UACA: variants seen among roughly 807,000 people sequenced by gnomAD.
UACA encodes the protein nuclear membrane binding protein.
In UACA, 112 loss-of-function variants were observed where a neutral mutation model predicts 160.5. The ratio of observed to expected loss-of-function variants is 0.70; its 90% CI spans 0.60 to 0.82. The LOEUF (loss-of-function observed/expected upper bound fraction) is 0.82. Among genes scored for constraint, UACA ranks in the 40% least tolerant of loss-of-function variants. The pLI, the probability that UACA is intolerant of heterozygous loss-of-function variation, is 0.00. For synonymous variants in UACA, 557 were observed against 568.4 expected, an observed-to-expected ratio of 0.98 and a Z score of 0.29; for missense variants, 1,574 against 1,614.6, an observed-to-expected ratio of 0.97 and a Z score of 0.43.
chr15:70,668,326 T>C lies in UACA; in HGVS notation c.2358A>G (p.Leu786=), dbSNP rs774340474. 22 of 1,611,154 alleles carry C rather than the reference T, an allele frequency of 1.4e-5. No homozygotes were observed. The Middle Eastern group carries it at 8.2e-4, about 60-fold the overall frequency. Residue 786 remains leucine, a synonymous_variant, in exon 16 of 19, where the codon CTA becomes CTG. Coordinates refer to ENST00000322954, the MANE Select transcript of UACA (RefSeq NM_018003.4). ...CCTTACTTAAGCTGTCATTTTCCAG[T>C]AGCAATTTCTCCATTTCCAACTTCT... ...TEKKLEMEKL[L]LENDSLSKDV...
chr15:70,664,291 G>A (rs1896825616), intron 17 of UACA, among the ~76,000 whole-genome samples: 1 of 152,178 alleles, frequency 6.6e-6, no homozygotes, highest in Admixed American at 6.6e-5. Flanking sequence ...CCTGCAATGA[G>A]AAAGATGCTG....
Position 70,763,326 on chromosome 15 carries a change from T to C in UACA, c.78+4A>G. 3 of 1,333,446 alleles carry C rather than the reference T, an allele frequency of 2.2e-6. No homozygotes were observed. The highest frequency in any genetic ancestry group is 2.9e-6 in the Non-Finnish European group (3 of 1,036,604). 82.6% of individuals were successfully genotyped at this position (1,333,446 alleles called of 1,614,324 possible). ...CGCCTCGCAGCCCGGACCGCGGGAC[T>C]CACCGCGCTGGCGGCGGCGGCGCCA... On this transcript the variant is annotated splice_donor_region_variant and intron_variant, in intron 1 of 18. Transcript: ENST00000322954.
the UACA span, among the ~76,000 whole-genome samples, chr15:70,769,166 G>C: frequency 6.6e-6 from 1 of 151,906 alleles, no homozygotes; most frequent in African/African-American, 2.4e-5. Flanking sequence ...AGACCATCCT[G>C]GCTAACACGG....
rs1432787957 is a variant in UACA at position 70,718,257 on chromosome 15, G to A, written c.79-18597C>T. 2.7e-5 allele frequency among the ~76,000 whole-genome samples: 4 copies of A among 147,264 alleles called. No homozygotes were observed. In the South Asian group the frequency reaches 6.6e-4, roughly 24 times the overall value. On this transcript the variant is annotated intron_variant, in intron 1 of 18. Coordinates refer to ENST00000322954, the MANE Select transcript of UACA (RefSeq NM_018003.4). ...GAGAGAGAGACAGAGGAACGGGGGG[G>A]AGGGAGGGGGAGGAGGGGGAGAGAG... is the stretch of plus-strand genomic sequence containing the variant.
intron 17 of UACA, among the ~76,000 whole-genome samples, chr15:70,663,191 G>A (rs188248363): frequency 0.016 from 2,378 of 152,232 alleles, 55 homozygotes; most frequent in African/African-American, 0.055. Context: ...ATCAACAAGT[G>A]GGCGAAGGAT....
intron 1 of UACA, among the ~76,000 whole-genome samples, chr15:70,723,773 C>T (rs925487989): frequency 3.9e-5 from 6 of 152,158 alleles, no homozygotes; most frequent in Admixed American, 6.5e-5. Context: ...GCTGGGACTA[C>T]AGGTGCCTGC....
At chr15:70,757,838 A>C (rs181209059) in intron 1 of UACA, among the ~76,000 whole-genome samples, 4 of 152,286 alleles carry the variant, frequency 2.6e-5, no homozygotes, top group Admixed American at 6.5e-5. Flanking sequence ...CCAGAGTCCT[A>C]ATCTTTGACA....
chr15:70,685,419 T>C (rs994330120), intron 7 of UACA, among the ~76,000 whole-genome samples: 4 of 152,190 alleles, frequency 2.6e-5, no homozygotes, highest in Non-Finnish European at 5.9e-5. Context: ...CTCTTGCCTT[T>C]TCTCTGCTAT....
In UACA at chr15:70,702,328, T is replaced by C. The variant is rs528624510; in HGVS notation, c.79-2668A>G. The C allele has an allele frequency of 3.0e-4, 297 of 991,862 alleles. 2 individuals are homozygous for C. The highest frequency in any genetic ancestry group is 8.3e-4 in the South Asian group (18 of 21,578). 61.4% of individuals were successfully genotyped at this position (991,862 alleles called of 1,614,324 possible). A position where few individuals can be genotyped will look rare whatever the true frequency, so the allele number is the denominator to read the frequency against. ...CATGATAAAACTGTCCACATCCGAA[T>C]TGTCCGGTAAACAGCGTGGAGCCTG... On this transcript the variant is annotated intron_variant, in intron 1 of 18. Coordinates refer to ENST00000322954, the MANE Select transcript of UACA (RefSeq NM_018003.4).
the UACA span, among the ~76,000 whole-genome samples, chr15:70,774,958 G>A: frequency 6.6e-6 from 1 of 152,128 alleles, no homozygotes; most frequent in Admixed American, 6.5e-5. Flanking sequence ...GTCGGGGGAG[G>A]CCAAGGTGGA....
intron 1 of UACA, among the ~76,000 whole-genome samples, chr15:70,708,424 A>G (rs1898581833): frequency 6.6e-6 from 1 of 152,198 alleles, no homozygotes; most frequent in African/African-American, 2.4e-5. Context: ...ATAATTAAAA[A>G]TAATAATAAA....
chr15:70,685,142 G>C (rs1444077167), intron 7 of UACA, among the ~76,000 whole-genome samples: 4 of 152,092 alleles, frequency 2.6e-5, no homozygotes, highest in Non-Finnish European at 5.9e-5. Flanking sequence ...CACATCTTCA[G>C]ACTACAACTA....
At position 70,682,801 on chromosome 15, in the gene UACA, A is replaced by G; in HGVS notation, c.785-6T>C. On this transcript the variant is annotated splice_region_variant and splice_polypyrimidine_tract_variant and intron_variant, in intron 8 of 18. Transcript: ENST00000322954. ...TTTCTTCCAAAGTTCTCTCCCTAAG[A>G]TTTAGAGAAAAAGAGAAACAACAAA... 1 of 1,557,474 alleles carries G rather than the reference A, an allele frequency of 6.4e-7. No individual in the cohort carries two copies.
chr15:70,712,836 T>C (rs1898723651), intron 1 of UACA, among the ~76,000 whole-genome samples: 1 of 152,194 alleles, frequency 6.6e-6, no homozygotes, highest in Non-Finnish European at 1.5e-5. Flanking sequence ...AAATCTTCAA[T>C]GTAAAAGTAT....
chr15:70,759,612 G>A (rs1012764261), intron 1 of UACA, among the ~76,000 whole-genome samples: 6 of 152,284 alleles, frequency 3.9e-5, no homozygotes, highest in Admixed American at 2.0e-4. Context: ...CCGAGATCAC[G>A]TCATTGCACT....
chr15:70,755,692 T>C (rs556393089), intron 1 of UACA, among the ~76,000 whole-genome samples: 5 of 143,036 alleles, frequency 3.5e-5, no homozygotes, highest in Admixed American at 3.4e-4. Flanking sequence ...AAAAAAAGAA[T>C]GAATGAAAAC....
chr15:70,757,833 G>A (rs2030520281), intron 1 of UACA, among the ~76,000 whole-genome samples: 1 of 152,174 alleles, frequency 6.6e-6, no homozygotes, highest in Non-Finnish European at 1.5e-5. Context: ...TGGCTCCAGA[G>A]TCCTAATCTT....
intron 1 of UACA, among the ~76,000 whole-genome samples, chr15:70,728,515 AT>A (rs1195596776): frequency 6.6e-6 from 1 of 150,520 alleles, no homozygotes; most frequent in Admixed American, 6.6e-5. Flanking sequence ...GTGAGCCGAG[AT>A]TGCACCACTG....
chr15:70,738,987 G>A (rs1847414112), intron 1 of UACA, among the ~76,000 whole-genome samples: 1 of 152,192 alleles, frequency 6.6e-6, no homozygotes, highest in Non-Finnish European at 1.5e-5. Flanking sequence ...TTTTTGAGAT[G>A]CAGGTTCAAC....
Sources: allele counts gnomAD v4.1 joint callset (sites outside exome capture counted in the v4.1 genomes callset), GRCh38; gene constraint gnomAD v4.1.1; transcripts MANE v1.5; gene names NCBI Gene and HGNC (gene_info 2026-07-23, HGNC 2026-07-21).